Variants in KIF23 observed in about 807,000 individuals in gnomAD.
KIF23 encodes the protein kinesin family member 23, also known as kinesin-like protein KIF23.
In KIF23, 30 loss-of-function variants were observed where a neutral mutation model predicts 137.5. That is an observed-to-expected ratio of 0.22 (90% CI 0.16 to 0.30). The LOEUF (loss-of-function observed/expected upper bound fraction) is 0.30, where lower values mean the gene tolerates loss of function less well. Among genes scored for constraint, KIF23 ranks in the 10% least tolerant of loss-of-function variants. The pLI is 1.00. For missense variants in KIF23, 920 were observed against 1,194.3 expected (o/e 0.77, Z 3.38); for synonymous variants, 367 against 391.1 (o/e 0.94, Z 0.73).
intron 19 of KIF23, among the ~76,000 whole-genome samples, chr15:69,443,430 C>T (rs781036941): frequency 4.2e-5 from 6 of 141,408 alleles, no homozygotes; most frequent in Non-Finnish European, 7.5e-5. Context: ...CCTTGACCTT[C>T]CAGGCTCAAG....
Position 69,416,453 on chromosome 15 carries a change from A to G in KIF23, c.81+390A>G, listed in dbSNP as rs1456806879. 2.0e-5 allele frequency among the ~76,000 whole-genome samples: 3 copies of G among 152,234 alleles called. No homozygotes were observed. In the East Asian group the frequency reaches 5.8e-4, roughly 29 times the overall value. On this transcript the variant is annotated intron_variant, in intron 2 of 23. Transcript: ENST00000679126. ...TTGGGACCAAGTTTAATTCAGTTAA[A>G]TTATGAAGAAAAAATGAAGCAGGCA...
chr15:69,436,112 TAAAC>T (rs1567072469), intron 13 of KIF23, 22 bp from the exon 14 acceptor site: 1 of 1,595,498 alleles, frequency 6.3e-7, no homozygotes. Context: ...TATTTTTTTT[TAAAC>T]TCCATTTGTT....
chr15:69,438,531 C>G (rs1283715643), intron 16 of KIF23, 126 bp downstream of exon 16: 1 of 776,278 alleles, frequency 1.3e-6, no homozygotes, highest in Non-Finnish European at 1.9e-6. Flanking sequence ...AGTGCGGTGG[C>G]TCATGCAGGT....
Position 69,426,129 on chromosome 15 carries a change from G to A in KIF23, c.836G>A (p.Cys279Tyr), listed in dbSNP as rs762327954. Residue 279 changes from cysteine to tyrosine, a missense_variant, in exon 9 of 24, where the codon TGT becomes TAT. Transcript: ENST00000679126. Reference protein sequence around the residue: ...DKNHNMYVAGCTEVEVKSTEE... With the variant: ...DKNHNMYVAGYTEVEVKSTEE... Reference sequence around the variant, plus strand: ...AACCATAACATGTATGTTGCAGGATGTACAGAAGTTGAAGTGAAATCTACT... The same window carrying A: ...AACCATAACATGTATGTTGCAGGATATACAGAAGTTGAAGTGAAATCTACT... 6.2e-7 allele frequency: 1 copy of A among 1,609,916 alleles called. No individual in the cohort carries two copies.
chr15:69,429,494 G>C (rs1403475627), intron 11 of KIF23, among the ~76,000 whole-genome samples: 4 of 151,898 alleles, frequency 2.6e-5, no homozygotes, highest in Non-Finnish European at 5.9e-5. Context: ...TTTTGTAGAG[G>C]TGGGGTCTCC....
intron 1 of KIF23, 91 bp downstream of exon 1, chr15:69,414,567 G>T (rs565122010): frequency 5.3e-6 from 7 of 1,331,908 alleles, no homozygotes; most frequent in South Asian, 1.7e-5. Context: ...GGCCGCGGCC[G>T]TACGCGGGCA....
At position 69,425,383 on chromosome 15, in the gene KIF23, A is replaced by G. The variant is rs2057163629; in HGVS notation, c.776+60A>G. 2.9e-6 allele frequency: 4 copies of G among 1,389,044 alleles called. No homozygotes were observed. In the Admixed American group the frequency reaches 7.9e-5, roughly 28 times the overall value. The allele number at this position is 1,389,044 out of a possible 1,614,324, so 86.0% of individuals were successfully genotyped here. ...AGGGTGCAGTTATACTATGGTTGGC[A>G]TTCTGTGGCATGTTTGCATGTAGGT... On this transcript the variant is annotated intron_variant, in intron 8 of 23. Transcript: ENST00000679126.
intron 11 of KIF23, among the ~76,000 whole-genome samples, chr15:69,433,794 C>T (rs1037970983): frequency 2.6e-5 from 4 of 151,934 alleles, no homozygotes; most frequent in African/African-American, 9.7e-5. Context: ...ATTTGGAAAA[C>T]AATAATTTCA....
intron 11 of KIF23, among the ~76,000 whole-genome samples, chr15:69,431,970 A>G (rs2057365770): frequency 1.3e-5 from 2 of 152,170 alleles, no homozygotes; most frequent in South Asian, 4.1e-4. Context: ...ATGAGAGTGG[A>G]CTGTGTGTGT....
chr15:69,439,037 G>T (rs1055731692), intron 16 of KIF23, among the ~76,000 whole-genome samples: 8 of 151,878 alleles, frequency 5.3e-5, no homozygotes, highest in African/African-American at 1.9e-4. Flanking sequence ...GGTTGAGGCT[G>T]CAGTGAGCTG....
At chr15:69,441,962 A>C (rs532418435) in intron 19 of KIF23, among the ~76,000 whole-genome samples, 21 of 151,908 alleles carry the variant, frequency 1.4e-4, no homozygotes, top group African/African-American at 5.1e-4. Context: ...AGGTCTCACC[A>C]TGTTGCCCAG....
intron 11 of KIF23, among the ~76,000 whole-genome samples, chr15:69,433,192 A>G (rs2057396828): frequency 6.6e-6 from 1 of 152,226 alleles, no homozygotes; most frequent in Non-Finnish European, 1.5e-5. Context: ...TAAATCATGA[A>G]TCATGGAATA....
chr15:69,440,821 G>T lies in KIF23; in HGVS notation c.2163G>T (p.Gln721His), dbSNP rs1440742229. The T allele has an allele frequency of 6.2e-7, 1 of 1,613,272 alleles. No homozygotes were observed. Among genetic ancestry groups the T allele is most frequent in the Non-Finnish European group, 8.5e-7 (1 of 1,180,044 alleles). The change falls in exon 19 of 24, where the codon CAG becomes CAT. Residue 721 changes from glutamine to histidine, a missense_variant. By Grantham distance (24) the Gln-to-His change is conservative. Around this residue, in one of 4 missense-constraint regions of KIF23, gnomAD observed 714 missense variants for 866.2 expected, o/e 0.82. Transcript: ENST00000679126. Reference protein sequence around the residue: ...QISNGQQLMSQPQLHRRSNSC... With the variant: ...QISNGQQLMSHPQLHRRSNSC... Reference sequence around the variant, plus strand: ...CCAACGGCCAGCAACTCATGAGCCAGCCACAGCTACATAGGCGCTCTAACT... The same window carrying T: ...CCAACGGCCAGCAACTCATGAGCCATCCACAGCTACATAGGCGCTCTAACT...
Position 69,426,420 on chromosome 15 carries a change from A to G in KIF23, c.974A>G (p.Gln325Arg). 6.2e-7 allele frequency: 1 copy of G among 1,614,162 alleles called. No individual in the cohort carries two copies. Among genetic ancestry groups the G allele is most frequent in the Non-Finnish European group, 8.5e-7 (1 of 1,179,980 alleles). Reference sequence around the variant, plus strand: ...AGCGTGTTCAACATTAAATTAGTTCAGGCTCCCTTGGATGCAGATGGAGAC... The same window carrying G: ...AGCGTGTTCAACATTAAATTAGTTCGGGCTCCCTTGGATGCAGATGGAGAC... ...SHSVFNIKLVQAPLDADGDNV... is the reference protein window; with the variant it reads ...SHSVFNIKLVRAPLDADGDNV... The change falls in exon 10 of 24, where the codon CAG (glutamine) becomes CGG (arginine). Residue 325 changes from glutamine (Q) to arginine (R), a missense_variant. By Grantham distance (43) the Gln-to-Arg change is conservative. This residue lies in a region of KIF23 where 714 missense variants were observed against 866.2 expected (regional missense o/e 0.82). Coordinates refer to ENST00000679126, the MANE Select transcript of KIF23 (RefSeq NM_001367805.3).
At chr15:69,434,010 T>C (rs1433014860) in intron 11 of KIF23, among the ~76,000 whole-genome samples, 1 of 152,234 alleles carries the variant, frequency 6.6e-6, no homozygotes, top group Non-Finnish European at 1.5e-5. Flanking sequence ...TCAAATTGAT[T>C]TAGTGGCTCT....
chr15:69,414,564 G>T, intron 1 of KIF23, 88 bp downstream of exon 1: 1 of 1,346,930 alleles, frequency 7.4e-7, no homozygotes, highest in Non-Finnish European at 9.7e-7. Flanking sequence ...TCAGGCCGCG[G>T]CCGTACGCGG....
Position 69,444,747 on chromosome 15 carries a change from A to G in KIF23, c.2422-43A>G, listed in dbSNP as rs2057705800. 2 of 1,597,212 alleles carry G rather than the reference A, an allele frequency of 1.3e-6. No homozygotes were observed. Among genetic ancestry groups the G allele is most frequent in the African/African-American group, 2.7e-5 (2 of 74,672 alleles). ...ATGTAGCCAAACCTGCTGCACTTCT[A>G]ATAATACCCTTAAATTAATTCTGGG... On this transcript the variant is annotated intron_variant, in intron 19 of 23. Coordinates refer to ENST00000679126, the MANE Select transcript of KIF23 (RefSeq NM_001367805.3). The surrounding 1 kb of genome is among the most constrained non-coding windows in gnomAD (Gnocchi z 4.2).
In KIF23 at chr15:69,422,321, T is replaced by G; in HGVS notation, c.454-5T>G. 6.5e-7 allele frequency: 1 copy of G among 1,532,610 alleles called. No homozygotes were observed. The highest frequency in any genetic ancestry group is 8.9e-7 in the Non-Finnish European group (1 of 1,123,612). The allele number at this position is 1,532,610 out of a possible 1,614,324, so 94.9% of individuals were successfully genotyped here. ...GTGATTTTTTTTTTTTTGCCCCCAC[T>G]TCAGGTTTTCAAATCTAATGATAGG... On this transcript the variant is annotated splice_region_variant and splice_polypyrimidine_tract_variant and intron_variant, in intron 5 of 23. Coordinates refer to ENST00000679126, the MANE Select transcript of KIF23 (RefSeq NM_001367805.3).
chr15:69,425,982 A>G (rs545541588), intron 8 of KIF23, 88 bp from the exon 9 acceptor site: 11 of 428,976 alleles, frequency 2.6e-5, no homozygotes, highest in Middle Eastern at 6.9e-4. Context: ...ATAACATGTC[A>G]TGTCACTTGG....
Sources: gnomAD v4.1 joint callset for allele counts (sites outside exome capture counted in the v4.1 genomes callset) on GRCh38, gnomAD v4.1.1 for gene constraint, gnomAD v4.1.1 regional missense constraint, Gnocchi (gnomAD v3.1) non-coding constraint, MANE v1.5 for transcripts, NCBI Gene and HGNC (gene_info 2026-07-23, HGNC 2026-07-21) for gene names.